The following MGLL variants were observed in gnomAD, a reference collection of about 807,000 sequenced individuals.
MGLL encodes monoglyceride lipase, also known as lysophospholipase homolog.
A neutral mutation model predicts 29.1 loss-of-function variants in MGLL; 7 were observed. The ratio of observed to expected loss-of-function variants is 0.24; its 90% CI spans 0.14 to 0.45. The LOEUF (loss-of-function observed/expected upper bound fraction) is 0.45. Among genes scored for constraint, MGLL ranks in the 20% least tolerant of loss-of-function variants. The pLI is 0.99. For missense variants in MGLL, 356 were observed against 413.6 expected, an observed-to-expected ratio of 0.86 and a Z score of 1.21; for synonymous variants, 148 against 168.3, an observed-to-expected ratio of 0.88 and a Z score of 0.93.
chr3:127,776,108 C>T (rs923604148), intron 3 of MGLL, among the ~76,000 whole-genome samples: 1 of 152,226 alleles, frequency 6.6e-6, no homozygotes, highest in African/African-American at 2.4e-5. Flanking sequence ...TTCTGGCTGC[C>T]CGTGCACCTC....
chr3:127,704,452 A>G (rs573895067), intron 6 of MGLL, among the ~76,000 whole-genome samples: 17 of 152,368 alleles, frequency 1.1e-4, no homozygotes, highest in African/African-American at 4.1e-4. Context: ...ATTAGAGTGA[A>G]CAGACAACCT....
chr3:127,749,644 C>G (rs2107667317), intron 3 of MGLL, among the ~76,000 whole-genome samples: 1 of 152,230 alleles, frequency 6.6e-6, no homozygotes, highest in African/African-American at 2.4e-5. Context: ...AGAGCAGATT[C>G]TAGAAAGAGG....
chr3:127,717,571 G>T (rs1287291651), intron 5 of MGLL, among the ~76,000 whole-genome samples: 3 of 152,212 alleles, frequency 2.0e-5, no homozygotes, highest in Non-Finnish European at 4.4e-5. Flanking sequence ...TCTTGGCGGA[G>T]AGTGGGAGTA....
chr3:127,821,661 G>A (rs2077862777), intron 2 of MGLL, 33 bp downstream of exon 2: 1 of 1,612,748 alleles, frequency 6.2e-7, no homozygotes, highest in Admixed American at 1.7e-5. Context: ...ATGCTCCCCT[G>A]TCACCTGGGG....
At chr3:127,711,415 C>T (rs1376230244) in intron 5 of MGLL, 1 of 152,388 alleles carries the variant, frequency 6.6e-6, no homozygotes, top group African/African-American at 2.4e-5. Flanking sequence ...AACCTTCCCA[C>T]CCCCTCCCCC....
chr3:127,721,056 G>T lies in MGLL; in HGVS notation c.507C>A (p.Phe169Leu), dbSNP rs1274489833. The change falls in exon 5 of 8, where the codon TTC becomes TTA. Residue 169 changes from phenylalanine (F) to leucine (L), a missense_variant. Physicochemically the swap from Phe to Leu is conservative, Grantham distance 22. Coordinates refer to ENST00000265052, the MANE Select transcript of MGLL (RefSeq NM_007283.7). ...VLANPESATTFKVLAAKVLNL... is the reference protein window; with the variant it reads ...VLANPESATTLKVLAAKVLNL... Reference sequence around the variant, plus strand: ...ACAGACTGGAAGGTCCTTTTACCTTGAAAGTTGTTGCAGATTCAGGATTGG... The same window carrying T: ...ACAGACTGGAAGGTCCTTTTACCTTTAAAGTTGTTGCAGATTCAGGATTGG... 6.2e-7 allele frequency: 1 copy of T among 1,613,936 alleles called. No homozygotes were observed. The highest frequency in any genetic ancestry group is 1.7e-5 in the Admixed American group (1 of 60,032).
At chr3:127,738,881 A>G (rs1217853645) in intron 3 of MGLL, among the ~76,000 whole-genome samples, 2 of 152,244 alleles carry the variant, frequency 1.3e-5, no homozygotes. Context: ...AAAAGCAGAA[A>G]AACTCAGTTC....
intron 3 of MGLL, among the ~76,000 whole-genome samples, chr3:127,775,454 A>G (rs558433829): frequency 2.8e-4 from 42 of 152,162 alleles, no homozygotes; most frequent in African/African-American, 9.6e-4. Context: ...CCCATATACA[A>G]TTATTCCCCC....
At chr3:127,756,493 C>T (rs1175284537) in intron 3 of MGLL, among the ~76,000 whole-genome samples, 1 of 152,202 alleles carries the variant, frequency 6.6e-6, no homozygotes, top group African/African-American at 2.4e-5. Flanking sequence ...TAAGCCTGCT[C>T]ACCCCATCTC....
chr3:127,737,786 A>G (rs2076270666), intron 3 of MGLL, among the ~76,000 whole-genome samples: 1 of 151,442 alleles, frequency 6.6e-6, no homozygotes. Context: ...CTGGGATTAC[A>G]GGCATGCACC....
chr3:127,816,999 G>A (rs2107759474), intron 2 of MGLL, among the ~76,000 whole-genome samples: 1 of 152,382 alleles, frequency 6.6e-6, no homozygotes, highest in South Asian at 2.1e-4. Context: ...CATGCAGGCT[G>A]CACCCTGGCC....
intron 6 of MGLL, among the ~76,000 whole-genome samples, chr3:127,704,554 A>C (rs1047207182): frequency 6.6e-6 from 1 of 152,212 alleles, no homozygotes; most frequent in East Asian, 1.9e-4. Context: ...TGCAAGAAAA[A>C]AACAACCCCA....
In MGLL at chr3:127,722,419, G is replaced by C; in HGVS notation, c.399+11C>G. 6.2e-7 allele frequency: 1 copy of C among 1,614,158 alleles called. No individual in the cohort carries two copies. The highest frequency in any genetic ancestry group is 8.5e-7 in the Non-Finnish European group (1 of 1,180,032). On this transcript the variant is annotated intron_variant, in intron 4 of 7. Coordinates refer to ENST00000265052, the MANE Select transcript of MGLL (RefSeq NM_007283.7). ...GGTGGATTTAACCTGGGTCTTCTGT[G>C]GTCTGCTTACCATGGAGTGGCCCAG...
intron 7 of MGLL, among the ~76,000 whole-genome samples, chr3:127,693,123 A>T (rs1175747018): frequency 6.6e-6 from 1 of 152,188 alleles, no homozygotes; most frequent in Non-Finnish European, 1.5e-5. Flanking sequence ...GCTAATGGGC[A>T]TCTCCAGGTG....
intron 3 of MGLL, among the ~76,000 whole-genome samples, chr3:127,773,365 C>T (rs543588303): frequency 6.6e-6 from 1 of 152,348 alleles, no homozygotes; most frequent in African/African-American, 2.4e-5. Flanking sequence ...TCAGCTTCCT[C>T]GTCAGTAAGA....
At chr3:127,748,416 G>A (rs919027018) in intron 3 of MGLL, among the ~76,000 whole-genome samples, 3 of 119,732 alleles carry the variant, frequency 2.5e-5, no homozygotes, top group Non-Finnish European at 6.1e-5. Context: ...GAAAGAGAGA[G>A]AGAGAGAGAG....
chr3:127,801,192 C>T (rs1013777209), intron 2 of MGLL, among the ~76,000 whole-genome samples: 1 of 151,226 alleles, frequency 6.6e-6, no homozygotes, highest in Non-Finnish European at 1.5e-5. Flanking sequence ...ATCCCAGATA[C>T]TCAGGAGGCT....
At chr3:127,764,073 T>A (rs2076814129) in intron 3 of MGLL, among the ~76,000 whole-genome samples, 1 of 152,154 alleles carries the variant, frequency 6.6e-6, no homozygotes, top group South Asian at 2.1e-4. Context: ...TCACATGGCC[T>A]CTCTGGGTGG....
intron 2 of MGLL, among the ~76,000 whole-genome samples, chr3:127,786,165 G>T (rs935946009): frequency 2.0e-5 from 3 of 152,228 alleles, no homozygotes; most frequent in Admixed American, 6.5e-5. Context: ...ACCCAGCTGG[G>T]CAGCGACCTG....
Sources: gnomAD v4.1 joint callset for allele counts (sites outside exome capture counted in the v4.1 genomes callset) on GRCh38, gnomAD v4.1.1 for gene constraint, MANE v1.5 for transcripts, NCBI Gene and HGNC (gene_info 2026-07-23, HGNC 2026-07-21) for gene names.